The following CDH12 variants were observed in gnomAD, a reference collection of about 807,000 sequenced individuals.
CDH12 encodes cadherin 12, also known as cadherin-12.
CDH12 carries 41 observed loss-of-function variants against 74.1 expected under a neutral mutation model. That is an observed-to-expected ratio of 0.55 (90% CI 0.43 to 0.72). The LOEUF is 0.72. Among genes scored for constraint, CDH12 ranks in the 30% least tolerant of loss-of-function variants. CDH12 has a pLI of 0.00. For missense variants in CDH12, 945 were observed against 977.2 expected (o/e 0.97, Z 0.44); for synonymous variants, 399 against 355.0 (o/e 1.12, Z -1.39).
At chr5:22,410,381 A>C (rs1195030179) in intron 2 of CDH12, among the ~76,000 whole-genome samples, 1 of 152,118 alleles carries the variant, frequency 6.6e-6, no homozygotes, top group East Asian at 1.9e-4. Context: ...GTAGGTCATA[A>C]GACTTCCATT....
chr5:21,840,877 A>C (rs1396080953), intron 8 of CDH12, among the ~76,000 whole-genome samples: 1 of 152,182 alleles, frequency 6.6e-6, no homozygotes, highest in African/African-American at 2.4e-5. Context: ...TAAAGACTTA[A>C]ACGTTAGACC....
chr5:21,933,847 G>A lies in CDH12; in HGVS notation c.526+41244C>T, dbSNP rs549708102. ...GGCAGGGAGAATTCATTACACATTT[G>A]TTCACTGAACTCAAACGTGGCAGTG... On this transcript the variant is annotated intron_variant, in intron 6 of 14. Transcript: ENST00000382254. Among the ~76,000 whole-genome samples the A allele has an allele frequency of 2.0e-5, 3 of 152,248 alleles. No individual in the cohort carries two copies. The South Asian group carries it at 6.2e-4, about 32-fold the overall frequency.
chr5:22,127,501 AG>A (rs111403987), intron 4 of CDH12, among the ~76,000 whole-genome samples: 59,966 of 141,660 alleles, frequency 0.42, 13,349 homozygotes, highest in Middle Eastern at 0.47. Flanking sequence ...AAAAGAGAAA[AG>A]TAGGTGAAAA....
intron 1 of CDH12, among the ~76,000 whole-genome samples, chr5:22,573,407 G>A (rs271091): frequency 0.19 from 29,374 of 151,884 alleles, 3,253 homozygotes; most frequent in African/African-American, 0.3. Flanking sequence ...TAAATTAATT[G>A]CATTACAGTT....
At chr5:22,766,346 A>G (rs1373230581) in intron 1 of CDH12, among the ~76,000 whole-genome samples, 3 of 152,126 alleles carry the variant, frequency 2.0e-5, no homozygotes, top group South Asian at 2.1e-4. Flanking sequence ...GAAAAAAATT[A>G]AATTAACAAT....
At chr5:22,230,767 C>T (rs1752355298) in intron 3 of CDH12, among the ~76,000 whole-genome samples, 2 of 152,044 alleles carry the variant, frequency 1.3e-5, no homozygotes, top group African/African-American at 4.8e-5. Context: ...CCTTGCCCAG[C>T]CCATAATTCT....
intron 1 of CDH12, among the ~76,000 whole-genome samples, chr5:22,724,155 T>C (rs985695673): frequency 6.6e-6 from 1 of 151,920 alleles, no homozygotes; most frequent in African/African-American, 2.4e-5. Flanking sequence ...TATCTATCAT[T>C]AACATACTAC....
chr5:22,155,406 A>C (rs1483947009), intron 4 of CDH12, among the ~76,000 whole-genome samples: 1 of 152,130 alleles, frequency 6.6e-6, no homozygotes, highest in African/African-American at 2.4e-5. Context: ...TCAACATCTA[A>C]AAAAATAAAA....
chr5:22,313,576 T>C (rs1273309083), intron 3 of CDH12, among the ~76,000 whole-genome samples: 1 of 152,154 alleles, frequency 6.6e-6, no homozygotes, highest in Non-Finnish European at 1.5e-5. Context: ...CTATATAAAT[T>C]TTATTTTAAA....
chr5:22,325,765 G>A (rs930541962), intron 3 of CDH12, among the ~76,000 whole-genome samples: 4 of 151,866 alleles, frequency 2.6e-5, no homozygotes, highest in African/African-American at 4.8e-5. Context: ...AAAATTAGCC[G>A]GGCGTGGTAG....
chr5:22,468,641 A>G (rs532421664), intron 2 of CDH12, among the ~76,000 whole-genome samples: 1 of 152,242 alleles, frequency 6.6e-6, no homozygotes, highest in South Asian at 2.1e-4. Context: ...TTTTAGTAAT[A>G]TGTATACTGG....
At chr5:22,441,349 C>T (rs1361496501) in intron 2 of CDH12, among the ~76,000 whole-genome samples, 1 of 152,070 alleles carries the variant, frequency 6.6e-6, no homozygotes, top group Non-Finnish European at 1.5e-5. Context: ...AAAGTGTGTT[C>T]CAGAGGGTAG....
intron 14 of CDH12, among the ~76,000 whole-genome samples, chr5:21,753,962 A>C (rs541242179): frequency 1.3e-5 from 2 of 152,344 alleles, no homozygotes; most frequent in Admixed American, 6.5e-5. Context: ...TGAGTGCCAT[A>C]GTAAACTATG....
chr5:21,969,440 G>T (rs1228557780), intron 6 of CDH12, among the ~76,000 whole-genome samples: 1 of 152,072 alleles, frequency 6.6e-6, no homozygotes, highest in Non-Finnish European at 1.5e-5. Context: ...TTCAAGATTA[G>T]GTTATAAATA....
intron 2 of CDH12, among the ~76,000 whole-genome samples, chr5:22,436,420 C>A (rs1056845976): frequency 8.6e-5 from 13 of 150,416 alleles, no homozygotes; most frequent in Admixed American, 1.3e-4. Flanking sequence ...GCACATGTAC[C>A]CTAGAAGTTA....
intron 8 of CDH12, among the ~76,000 whole-genome samples, chr5:21,836,542 A>G (rs10065468): frequency 0.42 from 63,775 of 150,960 alleles, 16,326 homozygotes; most frequent in African/African-American, 0.72. Context: ...TTCATCAAAT[A>G]TTGTATACAG....
At chr5:21,893,089 C>T (rs1242531470) in intron 6 of CDH12, among the ~76,000 whole-genome samples, 1 of 152,148 alleles carries the variant, frequency 6.6e-6, no homozygotes, top group African/African-American at 2.4e-5. Flanking sequence ...CCGCATCTTG[C>T]TCTTGTTCTT....
chr5:22,199,567 G>C (rs1324235744), intron 4 of CDH12, among the ~76,000 whole-genome samples: 2 of 152,148 alleles, frequency 1.3e-5, no homozygotes, highest in Admixed American at 1.3e-4. Context: ...CATGCCTGCA[G>C]ATCAGAGCAT....
intron 2 of CDH12, among the ~76,000 whole-genome samples, chr5:22,449,247 C>T (rs934005678): frequency 9.9e-5 from 15 of 152,074 alleles, no homozygotes; most frequent in African/African-American, 3.4e-4. Context: ...CACAATTGCA[C>T]ACCATTTTCA....
Sources: allele counts gnomAD v4.1 joint callset (sites outside exome capture counted in the v4.1 genomes callset), GRCh38; gene constraint gnomAD v4.1.1; transcripts MANE v1.5; gene names NCBI Gene and HGNC (gene_info 2026-07-23, HGNC 2026-07-21).